The following GPHN variants were observed in gnomAD, a reference collection of about 807,000 sequenced individuals.
The protein encoded by GPHN is gephyrin.
In GPHN, 17 loss-of-function variants were observed where a neutral mutation model predicts 95.5. The ratio of observed to expected loss-of-function variants is 0.18; its 90% CI spans 0.12 to 0.27. GPHN has a LOEUF of 0.27. Among genes scored for constraint, GPHN ranks in the 10% least tolerant of loss-of-function variants. The probability of loss-of-function intolerance (pLI) is 1.00; values close to 1 mark genes in which losing one functional copy is unlikely to be tolerated. For synonymous variants in GPHN, 320 were observed against 322.5 expected (o/e 0.99, Z 0.08); for missense variants, 660 against 978.1 (o/e 0.67, Z 4.34).
intron 4 of GPHN, among the ~76,000 whole-genome samples, chr14:66,870,344 G>GT (rs1380705039): frequency 6.6e-6 from 1 of 152,104 alleles, no homozygotes; most frequent in Non-Finnish European, 1.5e-5. Context: ...AACATATAAG[G>GT]TTTGTGTCTC....
chr14:66,924,774 G>A (rs2066398255), intron 8 of GPHN, among the ~76,000 whole-genome samples: 1 of 151,700 alleles, frequency 6.6e-6, no homozygotes, highest in Non-Finnish European at 1.5e-5. Context: ...CCATTGCAGA[G>A]TTGAATTTTG....
chr14:67,309,738 G>A, the GPHN span, among the ~76,000 whole-genome samples: 1 of 152,242 alleles, frequency 6.6e-6, no homozygotes, highest in Admixed American at 6.5e-5. Context: ...AATTACCCAA[G>A]GAACCTGATT....
At chr14:66,809,960 T>G (rs1190314091) in intron 3 of GPHN, among the ~76,000 whole-genome samples, 2 of 152,108 alleles carry the variant, frequency 1.3e-5, no homozygotes, top group Non-Finnish European at 1.5e-5. Flanking sequence ...ATCAGAACAT[T>G]CTGATCTGGT....
At chr14:67,624,867 A>C in the GPHN span, among the ~76,000 whole-genome samples, 1 of 152,232 alleles carries the variant, frequency 6.6e-6, no homozygotes, top group African/African-American at 2.4e-5. Context: ...AACATTAAGA[A>C]TTGTGGCATT....
intron 1 of GPHN, among the ~76,000 whole-genome samples, chr14:66,632,040 C>A (rs2063835380): frequency 6.6e-6 from 1 of 152,098 alleles, no homozygotes; most frequent in African/African-American, 2.4e-5. Context: ...TTTTTCTGGT[C>A]AATAAAATAA....
chr14:66,520,029 A>G (rs967762846), intron 1 of GPHN, among the ~76,000 whole-genome samples: 11 of 152,256 alleles, frequency 7.2e-5, no homozygotes, highest in Non-Finnish European at 1.2e-4. Context: ...TGTCAGAATT[A>G]TTTCATAGAG....
chr14:67,263,871 T>C, the GPHN span, among the ~76,000 whole-genome samples: 2 of 152,200 alleles, frequency 1.3e-5, no homozygotes, highest in African/African-American at 4.8e-5. Flanking sequence ...TCTTGTCCTC[T>C]GTAAAATAGG....
At chr14:66,861,959 A>G (rs544667963) in intron 4 of GPHN, among the ~76,000 whole-genome samples, 87 of 152,208 alleles carry the variant, frequency 5.7e-4, no homozygotes, top group Non-Finnish European at 9.6e-4. Context: ...ACAAAACCCA[A>G]AAGTAGTAGA....
the GPHN span, among the ~76,000 whole-genome samples, chr14:67,640,028 A>G: frequency 6.6e-6 from 1 of 151,508 alleles, no homozygotes; most frequent in South Asian, 2.1e-4. Flanking sequence ...TAAAGCTTTC[A>G]TTCTCTTAAG....
the GPHN span, among the ~76,000 whole-genome samples, chr14:67,296,506 G>A: frequency 2.7e-4 from 40 of 149,744 alleles, no homozygotes; most frequent in Admixed American, 2.6e-3. Flanking sequence ...GCATGAACCC[G>A]GGGAGGCAGA....
At chr14:67,274,433 G>A in the GPHN span, among the ~76,000 whole-genome samples, 4 of 152,142 alleles carry the variant, frequency 2.6e-5, no homozygotes, top group East Asian at 7.7e-4. Context: ...GATGATTGTA[G>A]ATGTGTGGTA....
chr14:66,733,487 A>G (rs946913128), intron 2 of GPHN, among the ~76,000 whole-genome samples: 2 of 152,148 alleles, frequency 1.3e-5, no homozygotes, highest in Non-Finnish European at 2.9e-5. Flanking sequence ...CCAATAAAAT[A>G]TATGAATTTT....
chr14:66,619,854 A>T (rs1056219609), intron 1 of GPHN, among the ~76,000 whole-genome samples: 2 of 152,192 alleles, frequency 1.3e-5, no homozygotes, highest in Non-Finnish European at 2.9e-5. Flanking sequence ...ACTATGCTAA[A>T]CATACTTATA....
At chr14:67,364,291 G>T in the GPHN span, 1 of 152,264 alleles carries the variant, frequency 6.6e-6, no homozygotes, top group Admixed American at 6.5e-5. Context: ...GTATCATTTG[G>T]TATATTGGTT....
intron 5 of GPHN, among the ~76,000 whole-genome samples, chr14:66,881,108 A>G (rs909847869): frequency 3.0e-4 from 46 of 151,984 alleles, no homozygotes; most frequent in African/African-American, 1.1e-3. Flanking sequence ...GACAAAGTTT[A>G]TATCCCATCA....
chr14:67,189,228 A>G, the GPHN span, among the ~76,000 whole-genome samples: 1 of 152,112 alleles, frequency 6.6e-6, no homozygotes, highest in Non-Finnish European at 1.5e-5. Context: ...ACTTCACACC[A>G]CCACCTGAAT....
chr14:67,521,239 T>C, the GPHN span, among the ~76,000 whole-genome samples: 2 of 152,354 alleles, frequency 1.3e-5, no homozygotes, highest in South Asian at 4.1e-4. Flanking sequence ...CTTCATAAAT[T>C]ACATTACAAA....
At chr14:67,496,391 GTTTTTTTTTTTTTT>G in the GPHN span, among the ~76,000 whole-genome samples, 12 of 30,108 alleles carry the variant, frequency 4.0e-4, 1 homozygote, top group Admixed American at 1.9e-3. Context: ...CTGCTCCGGC[GTTTTTTTTTTTTTT>G]TTTTTTTTTT....
intron 2 of GPHN, among the ~76,000 whole-genome samples, chr14:66,762,782 A>G (rs924195481): frequency 6.6e-6 from 1 of 152,160 alleles, no homozygotes. Flanking sequence ...TCTCAAAAGT[A>G]TGGTGGCCAC....
Sources: gnomAD v4.1 joint callset for allele counts (sites outside exome capture counted in the v4.1 genomes callset) on GRCh38, gnomAD v4.1.1 for gene constraint, MANE v1.5 for transcripts, NCBI Gene and HGNC (gene_info 2026-07-23, HGNC 2026-07-21) for gene names.